Variants in LDLRAD3 observed in about 807,000 individuals in gnomAD.
The protein encoded by LDLRAD3 is low density lipoprotein receptor class A domain containing 3, also known as low-density lipoprotein receptor class A domain-containing protein 3.
Under a neutral mutation model 29.4 loss-of-function variants are expected in LDLRAD3, and 20 were observed. The ratio of observed to expected loss-of-function variants is 0.68; its 90% confidence interval spans 0.48 to 0.99. The LOEUF is 0.99. Ranked by LOEUF, LDLRAD3 falls within the 50% of genes least tolerant of loss-of-function variation. LDLRAD3 has a pLI of 0.00. For synonymous variants in LDLRAD3, 157 were observed against 192.7 expected (o/e 0.81, Z 1.53); for missense variants, 420 against 454.3 (o/e 0.92, Z 0.69).
At chr11:36,047,294 T>C (rs1852464789) in intron 2 of LDLRAD3, among the ~76,000 whole-genome samples, 1 of 152,254 alleles carries the variant, frequency 6.6e-6, no homozygotes, top group Non-Finnish European at 1.5e-5. Context: ...AGGTTACTTT[T>C]TGCACTCACA....
chr11:36,145,663 A>G (rs1032245365), intron 4 of LDLRAD3, among the ~76,000 whole-genome samples: 3 of 151,730 alleles, frequency 2.0e-5, no homozygotes, highest in African/African-American at 7.3e-5. Flanking sequence ...CTGTACTAAG[A>G]AAAATTCTTC....
intron 1 of LDLRAD3, among the ~76,000 whole-genome samples, chr11:36,024,352 C>CTATATT (rs1447787418): frequency 6.6e-6 from 1 of 151,950 alleles, no homozygotes; most frequent in Non-Finnish European, 1.5e-5. Flanking sequence ...ATATCTATAT[C>CTATATT]TATAGCCATA....
intron 1 of LDLRAD3, among the ~76,000 whole-genome samples, chr11:36,016,600 A>G (rs144897069): frequency 1.3e-5 from 2 of 152,192 alleles, no homozygotes; most frequent in Non-Finnish European, 2.9e-5. Context: ...CATATTTACT[A>G]TGGTGACACT....
chr11:35,950,112 C>T (rs1851112232), intron 1 of LDLRAD3, among the ~76,000 whole-genome samples: 3 of 152,054 alleles, frequency 2.0e-5, no homozygotes. Context: ...ACCCAAATGA[C>T]CCACTGATGG....
At chr11:36,210,844 G>A (rs2133381488) in intron 4 of LDLRAD3, among the ~76,000 whole-genome samples, 1 of 152,322 alleles carries the variant, frequency 6.6e-6, no homozygotes, top group African/African-American at 2.4e-5. Context: ...CATTTCAGTA[G>A]CTTACTTCTA....
intron 1 of LDLRAD3, among the ~76,000 whole-genome samples, chr11:35,993,504 C>T (rs1395397311): frequency 6.6e-6 from 1 of 152,020 alleles, no homozygotes; most frequent in Non-Finnish European, 1.5e-5. Context: ...TGGCTTCTAG[C>T]CCTTCTGCTG....
chr11:35,975,051 G>T (rs1362038638), intron 1 of LDLRAD3, among the ~76,000 whole-genome samples: 1 of 152,196 alleles, frequency 6.6e-6, no homozygotes, highest in East Asian at 1.9e-4. Context: ...ACTCTGTCCA[G>T]TTGTGGACTT....
chr11:36,155,192 A>G (rs541128754), intron 4 of LDLRAD3, among the ~76,000 whole-genome samples: 3 of 152,130 alleles, frequency 2.0e-5, no homozygotes, highest in Non-Finnish European at 4.4e-5. Context: ...ACCTAGAAAG[A>G]TTTTCAGATG....
At chr11:36,169,073 T>G (rs2133345961) in intron 4 of LDLRAD3, among the ~76,000 whole-genome samples, 1 of 152,322 alleles carries the variant, frequency 6.6e-6, no homozygotes, top group South Asian at 2.1e-4. Context: ...CTGATTTGGG[T>G]GAGTGCAGAC....
chr11:36,191,576 C>CTATATATATATA (rs71310173), intron 4 of LDLRAD3, among the ~76,000 whole-genome samples: 9 of 53,420 alleles, frequency 1.7e-4, no homozygotes, highest in East Asian at 6.3e-4. Context: ...CTCTCTCTCT[C>CTATATATATATA]TATATATATA....
At chr11:35,974,772 C>T (rs1851455917) in intron 1 of LDLRAD3, among the ~76,000 whole-genome samples, 1 of 152,210 alleles carries the variant, frequency 6.6e-6, no homozygotes, top group Non-Finnish European at 1.5e-5. Context: ...ATCTGGTCAC[C>T]TTCCATTTAT....
At chr11:36,151,868 C>T (rs1854283074) in intron 4 of LDLRAD3, among the ~76,000 whole-genome samples, 1 of 152,126 alleles carries the variant, frequency 6.6e-6, no homozygotes, top group Admixed American at 6.5e-5. Context: ...CTCTTAGTAC[C>T]ACTACAAGGA....
chr11:36,197,315 A>G (rs1194795064), intron 4 of LDLRAD3: 2 of 152,162 alleles, frequency 1.3e-5, no homozygotes, highest in Non-Finnish European at 2.9e-5. Context: ...TGTGTGATCA[A>G]TCTTTTATTT....
At chr11:36,217,027 A>C (rs1468696981) in intron 4 of LDLRAD3, among the ~76,000 whole-genome samples, 3 of 152,216 alleles carry the variant, frequency 2.0e-5, no homozygotes, top group South Asian at 2.1e-4. Flanking sequence ...TCTGTAAGTT[A>C]CTTAACCTCT....
chr11:36,228,568 TTAAA>T (rs1376299729), intron 5 of LDLRAD3, among the ~76,000 whole-genome samples: 1 of 152,182 alleles, frequency 6.6e-6, no homozygotes, highest in East Asian at 1.9e-4. Flanking sequence ...CTTGTGAGCA[TTAAA>T]TAAGGTAAGG....
At chr11:36,018,797 A>G (rs1852055542) in intron 1 of LDLRAD3, among the ~76,000 whole-genome samples, 1 of 152,212 alleles carries the variant, frequency 6.6e-6, no homozygotes, top group Non-Finnish European at 1.5e-5. Context: ...TGTTCTAAAC[A>G]ATGGCATTTC....
intron 1 of LDLRAD3, among the ~76,000 whole-genome samples, chr11:35,994,922 C>T (rs916704477): frequency 6.6e-6 from 1 of 152,212 alleles, no homozygotes; most frequent in Admixed American, 6.5e-5. Context: ...CATCTTTAGG[C>T]TCCACTTCTA....
At chr11:35,994,871 C>CA (rs1409416371) in intron 1 of LDLRAD3, among the ~76,000 whole-genome samples, 2 of 152,236 alleles carry the variant, frequency 1.3e-5, no homozygotes, top group African/African-American at 4.8e-5. Flanking sequence ...AGCAGCTCCT[C>CA]ATCCATTAAA....
At chr11:36,147,204 G>A (rs920484793) in intron 4 of LDLRAD3, among the ~76,000 whole-genome samples, 55 of 129,268 alleles carry the variant, frequency 4.3e-4, no homozygotes, top group African/African-American at 1.3e-3. Context: ...TGCAAGCTCC[G>A]CCTCCCTGGT....
Sources: gnomAD v4.1 joint callset for allele counts (sites outside exome capture counted in the v4.1 genomes callset) on GRCh38, gnomAD v4.1.1 for gene constraint, MANE v1.5 for transcripts, NCBI Gene and HGNC (gene_info 2026-07-23, HGNC 2026-07-21) for gene names.